Variants in IQCH observed in about 807,000 individuals in gnomAD.
The protein encoded by IQCH is IQ motif containing H.
A neutral mutation model predicts 117.0 loss-of-function variants in IQCH; 98 were observed. The ratio of observed to expected loss-of-function variants is 0.84; its 90% confidence interval spans 0.71 to 0.99. The LOEUF is 0.99. Among genes scored for constraint, IQCH ranks in the 50% least tolerant of loss-of-function variants. The pLI is 0.00. For synonymous variants in IQCH, 412 were observed against 448.2 expected (o/e 0.92, Z 1.02); for missense variants, 1,102 against 1,243.8 (o/e 0.89, Z 1.72).
At chr15:67,293,359 G>A (rs1171022711) in intron 4 of IQCH, among the ~76,000 whole-genome samples, 2 of 152,080 alleles carry the variant, frequency 1.3e-5, no homozygotes, top group Non-Finnish European at 2.9e-5. Context: ...GTGGGGGATT[G>A]GTCCCATGAT....
intron 1 of IQCH, among the ~76,000 whole-genome samples, chr15:67,258,085 G>T (rs11631134): frequency 1.3e-5 from 2 of 152,116 alleles, no homozygotes; most frequent in Middle Eastern, 3.4e-3. Context: ...ACAAAAATTA[G>T]CTAGGTGTGG....
intron 1 of IQCH, among the ~76,000 whole-genome samples, chr15:67,260,251 A>G (rs1965403155): frequency 6.6e-6 from 1 of 152,244 alleles, no homozygotes. Flanking sequence ...TTGGTTTCTA[A>G]TATGAATGCA....
In IQCH at chr15:67,413,988, T is replaced by C. The variant is rs1324945523; in HGVS notation, c.2098-2943T>C. 1.3e-5 allele frequency among the ~76,000 whole-genome samples: 2 copies of C among 152,238 alleles called. No individual in the cohort carries two copies. Among genetic ancestry groups the C allele is most frequent in the African/African-American group, 2.4e-5 (1 of 41,480 alleles). ...ACACACAAGCAGCAGGCTGATGAGT[T>C]ACTTATTGGCCCTCACATAGTATGT... On this transcript the variant is annotated intron_variant, in intron 14 of 20. Coordinates refer to ENST00000335894, the MANE Select transcript of IQCH (RefSeq NM_001031715.3). This position sits in a 1 kb window ranked among gnomAD's most constrained non-coding sequence, Gnocchi z 5.0.
Position 67,433,516 on chromosome 15 carries a change from T to A in IQCH, c.2505+11939T>A, listed in dbSNP as rs935783874. 6.6e-5 allele frequency among the ~76,000 whole-genome samples: 10 copies of A among 152,216 alleles called. No homozygotes were observed. The highest frequency in any genetic ancestry group is 2.4e-4 in the African/African-American group (10 of 41,448). Reference sequence around the variant, plus strand: ...TTGGTTGATCTGCATATAACGGACCTAATTCCTCTGTTTACATCAGCTGTT... The same window carrying A: ...TTGGTTGATCTGCATATAACGGACCAAATTCCTCTGTTTACATCAGCTGTT... On this transcript the variant is annotated intron_variant, in intron 16 of 20. Transcript: ENST00000335894. The surrounding 1 kb of genome is among the most constrained non-coding windows in gnomAD (Gnocchi z 5.4).
chr15:67,451,913 T>C (rs1220115844), intron 16 of IQCH, among the ~76,000 whole-genome samples: 3 of 152,266 alleles, frequency 2.0e-5, no homozygotes, highest in African/African-American at 7.2e-5. Flanking sequence ...TGCTCCTGTA[T>C]TGGGTGCATA....
rs2082959867 is a variant in IQCH, at chr15:67,467,316, A to G, written c.2676+2019A>G. Among the ~76,000 whole-genome samples the G allele has an allele frequency of 6.6e-6, 1 of 152,248 alleles. No homozygotes were observed. The highest frequency in any genetic ancestry group is 6.5e-5 in the Admixed American group (1 of 15,286). ...CAGCTTTGAAGTATGTTGCTTCAGA[A>G]GGCTATCAGCAGAAGTTGTGCTTTG... On this transcript the variant is annotated intron_variant, in intron 17 of 20. Coordinates refer to ENST00000335894, the MANE Select transcript of IQCH (RefSeq NM_001031715.3). This position sits in a 1 kb window ranked among gnomAD's most constrained non-coding sequence, Gnocchi z 5.7.
At position 67,395,238 on chromosome 15, in the gene IQCH, A is replaced by G. The variant is rs961456904; in HGVS notation, c.1633-53A>G. 7 of 1,552,400 alleles carry G rather than the reference A, an allele frequency of 4.5e-6. No individual in the cohort carries two copies. The highest frequency in any genetic ancestry group is 1.4e-5 in the African/African-American group (1 of 72,840). The stretch of plus-strand genomic sequence containing the variant: ...ATGTGCAACATTATAAATTAGGTGT[A>G]TGGACTAGAAAAAAGGACACCTTTT... On this transcript the variant is annotated intron_variant, in intron 12 of 20. Coordinates refer to ENST00000335894, the MANE Select transcript of IQCH (RefSeq NM_001031715.3). This position sits in a 1 kb window ranked among gnomAD's most constrained non-coding sequence, Gnocchi z 4.0.
intron 15 of IQCH, among the ~76,000 whole-genome samples, chr15:67,419,834 G>A (rs942330217): frequency 2.0e-5 from 3 of 152,202 alleles, no homozygotes; most frequent in South Asian, 2.1e-4. Flanking sequence ...ACAGTGAAAA[G>A]GTTGTGGTCA....
intron 4 of IQCH, among the ~76,000 whole-genome samples, chr15:67,287,270 A>G (rs1182424166): frequency 6.6e-6 from 1 of 152,140 alleles, no homozygotes; most frequent in Non-Finnish European, 1.5e-5. Context: ...GTATCAGGGT[A>G]ATACTGGCCT....
At chr15:67,421,084 T>A in intron 15 of IQCH, 2 of 584,938 alleles carry the variant, frequency 3.4e-6, no homozygotes, top group South Asian at 4.2e-5. Context: ...CTGGGCTGAA[T>A]ACTATAGATA....
rs537359126 is a variant in IQCH at position 67,259,065 on chromosome 15, ATTAC to A, written c.52-2203_52-2200del. On this transcript the variant is annotated intron_variant, in intron 1 of 20. Coordinates refer to ENST00000335894, the MANE Select transcript of IQCH (RefSeq NM_001031715.3). The stretch of plus-strand genomic sequence containing the variant: ...TAAATTCAATTAACATTTACAGGGT[ATTAC>A]TTATAGTGTAAGGAGTTTCACTAGG... Among the ~76,000 whole-genome samples, 75 of 152,352 alleles carry A rather than the reference ATTAC, an allele frequency of 4.9e-4. 1 individual carries two copies. The highest frequency in any genetic ancestry group is 4.1e-4 in the South Asian group (2 of 4,832).
At chr15:67,495,851 TA>T (rs1277125372) in intron 20 of IQCH, among the ~76,000 whole-genome samples, 2 of 152,236 alleles carry the variant, frequency 1.3e-5, no homozygotes, top group African/African-American at 4.8e-5. Flanking sequence ...ATGTTAGGTC[TA>T]AAGGCAAAAA....
At chr15:67,464,391 A>G (rs928744090) in intron 16 of IQCH, among the ~76,000 whole-genome samples, 1 of 152,244 alleles carries the variant, frequency 6.6e-6, no homozygotes, top group Admixed American at 6.5e-5. Flanking sequence ...ATTAGTGGAC[A>G]TTACTCAGTT....
intron 3 of IQCH, among the ~76,000 whole-genome samples, chr15:67,276,768 T>C (rs565916227): frequency 2.6e-5 from 4 of 152,312 alleles, no homozygotes; most frequent in Non-Finnish European, 4.4e-5. Flanking sequence ...TTGTTTTTCA[T>C]AGTTTAAATA....
rs186082476 is a variant in IQCH at position 67,435,420 on chromosome 15, A to G, written c.2505+13843A>G. 3.9e-5 allele frequency among the ~76,000 whole-genome samples: 6 copies of G among 152,154 alleles called. No homozygotes were observed. The East Asian group carries it at 1.2e-3, about 30-fold the overall frequency. ...GCCAACACGGTGAAACCCTGTCTCT[A>G]TTAAAAATAGAAAAATTGTCGGGTG... On this transcript the variant is annotated intron_variant, in intron 16 of 20. Transcript: ENST00000335894.
chr15:67,494,430 CTGTAT>C lies in IQCH; in HGVS notation c.2970+69_2970+73del. On this transcript the variant is annotated intron_variant, in intron 20 of 20. Coordinates refer to ENST00000335894, the MANE Select transcript of IQCH (RefSeq NM_001031715.3). This position sits in a 1 kb window ranked among gnomAD's most constrained non-coding sequence, Gnocchi z 5.5. The stretch of plus-strand genomic sequence containing the variant: ...ATACAAGGGCTGAAAATACCTCATG[CTGTAT>C]TGTAAACAAGTGCTAAACCATCTTT... 1 of 1,110,040 alleles carries C rather than the reference CTGTAT, an allele frequency of 9.0e-7. No individual in the cohort carries two copies. The highest frequency in any genetic ancestry group is 1.4e-5 in the South Asian group (1 of 70,836). The allele number at this position is 1,110,040 out of a possible 1,614,324, so 68.8% of individuals were successfully genotyped here.
intron 4 of IQCH, among the ~76,000 whole-genome samples, chr15:67,286,494 G>A (rs1035240039): frequency 2.0e-5 from 3 of 152,104 alleles, no homozygotes; most frequent in South Asian, 2.1e-4. Context: ...GAAAGTGGGC[G>A]TCCTTGTCAT....
At chr15:67,442,352 G>A (rs1319854962) in intron 16 of IQCH, among the ~76,000 whole-genome samples, 1 of 152,024 alleles carries the variant, frequency 6.6e-6, no homozygotes, top group Non-Finnish European at 1.5e-5. Flanking sequence ...GGAGGTTGTG[G>A]TGAGCCAAGA....
rs1971124217 is a variant in IQCH at position 67,386,862 on chromosome 15, C to T, written c.1456+1843C>T. 6.6e-6 allele frequency among the ~76,000 whole-genome samples: 1 copy of T among 152,114 alleles called. No individual in the cohort carries two copies. On this transcript the variant is annotated intron_variant, in intron 11 of 20. Transcript: ENST00000335894. This position sits in a 1 kb window ranked among gnomAD's most constrained non-coding sequence, Gnocchi z 5.0. ...TAACACATGATAAAACCCACTAATA[C>T]TGAATCTTAGAGTTAGTGATACGTA...
Sources: allele counts gnomAD v4.1 joint callset (sites outside exome capture counted in the v4.1 genomes callset), GRCh38; gene constraint gnomAD v4.1.1; non-coding constraint Gnocchi (gnomAD v3.1); transcripts MANE v1.5; gene names NCBI Gene and HGNC (gene_info 2026-07-23, HGNC 2026-07-21).